ZBTB20: variants seen among roughly 807,000 people sequenced by gnomAD.
ZBTB20 encodes the protein zinc finger and BTB domain-containing protein 20.
ZBTB20 carries 9 observed loss-of-function variants against 56.9 expected under a neutral mutation model. The ratio of observed to expected loss-of-function variants is 0.16; its 90% CI spans 0.10 to 0.28. The LOEUF (loss-of-function observed/expected upper bound fraction) is 0.28. ZBTB20 is among the 10% of genes least tolerant of loss of function. ZBTB20 has a pLI of 1.00. For missense variants in ZBTB20, 655 were observed against 1,003.0 expected (o/e 0.65, Z 4.69); for synonymous variants, 417 against 420.7 (o/e 0.99, Z 0.11).
chr3:114,545,803 C>T (rs2049809643), intron 6 of ZBTB20, among the ~76,000 whole-genome samples: 1 of 152,126 alleles, frequency 6.6e-6, no homozygotes. Flanking sequence ...CCAAAAACAT[C>T]GTTTCCATAT....
intron 2 of ZBTB20, among the ~76,000 whole-genome samples, chr3:115,016,110 G>A (rs760555157): frequency 3.8e-4 from 57 of 151,936 alleles, no homozygotes; most frequent in Non-Finnish European, 6.3e-4. Flanking sequence ...CTGCATAAAT[G>A]TCTTCCTTGA....
chr3:115,041,876 C>T (rs1050010719), intron 2 of ZBTB20, among the ~76,000 whole-genome samples: 2 of 152,120 alleles, frequency 1.3e-5, no homozygotes, highest in African/African-American at 4.8e-5. Context: ...GAAGGTCTAC[C>T]TCTGTCTATT....
chr3:114,800,135 T>C (rs1268976128), intron 5 of ZBTB20, among the ~76,000 whole-genome samples: 1 of 151,958 alleles, frequency 6.6e-6, no homozygotes, highest in African/African-American at 2.4e-5. Flanking sequence ...ACTGTAAAAC[T>C]GAGGAAGACA....
intron 6 of ZBTB20, among the ~76,000 whole-genome samples, chr3:114,623,083 C>T (rs999778944): frequency 6.6e-6 from 1 of 151,994 alleles, no homozygotes; most frequent in African/African-American, 2.4e-5. Flanking sequence ...AATGAACATG[C>T]CAGATTCTTG....
intron 10 of ZBTB20, among the ~76,000 whole-genome samples, chr3:114,379,997 A>G (rs2084118968): frequency 6.6e-6 from 1 of 152,234 alleles, no homozygotes; most frequent in Non-Finnish European, 1.5e-5. Flanking sequence ...GTAATTAATC[A>G]GCCCTTTAAG....
chr3:114,753,213 TA>T (rs1560209022), intron 5 of ZBTB20, among the ~76,000 whole-genome samples: 2 of 148,988 alleles, frequency 1.3e-5, no homozygotes, highest in Admixed American at 6.7e-5. Flanking sequence ...AAATGAAGCA[TA>T]TTTTTTATAT....
At chr3:115,064,100 T>C (rs1361817879) in intron 2 of ZBTB20, among the ~76,000 whole-genome samples, 1 of 152,214 alleles carries the variant, frequency 6.6e-6, no homozygotes, top group Non-Finnish European at 1.5e-5. Flanking sequence ...CCTATTCTAA[T>C]TCTTTCCCCT....
At position 114,336,523 on chromosome 3, in the gene ZBTB20, ACTT is replaced by A. The variant is rs1440569845; in HGVS notation, c.*2479_*2481del. The A allele has an allele frequency of 6.6e-6, 1 of 152,210 alleles. No homozygotes were observed. Among genetic ancestry groups the A allele is most frequent in the Non-Finnish European group, 1.5e-5 (1 of 68,032 alleles). 9.4% of individuals were successfully genotyped at this position (152,210 alleles called of 1,614,324 possible). A position where few individuals can be genotyped will look rare whatever the true frequency, so the allele number is the denominator to read the frequency against. Reference sequence around the variant, plus strand: ...GTTAACCACCCAAGTTTACATTAAAACTTCTAGCAAAATATCCACTGAATTAAG... The same window carrying A: ...GTTAACCACCCAAGTTTACATTAAAACTAGCAAAATATCCACTGAATTAAG... On this transcript the variant is annotated 3_prime_UTR_variant, in exon 12 of 12. Coordinates refer to ENST00000675478, the MANE Select transcript of ZBTB20 (RefSeq NM_001348800.3).
At position 114,323,845 on chromosome 3, in the gene ZBTB20, T is replaced by A. The variant is rs1576177089; in HGVS notation, c.*15160A>T. On this transcript the variant is annotated 3_prime_UTR_variant, in exon 12 of 12. Coordinates refer to ENST00000675478, the MANE Select transcript of ZBTB20 (RefSeq NM_001348800.3). ...TGATGAAAATAACTCTGCATTTTAG[T>A]GATGCTCCTACTTCCATAATTTGCC... is the stretch of plus-strand genomic sequence containing the variant. 1 of 152,204 alleles carries A rather than the reference T, an allele frequency of 6.6e-6. No homozygotes were observed. The highest frequency in any genetic ancestry group is 2.1e-4 in the South Asian group (1 of 4,830). The allele number at this position is 152,204 out of a possible 1,614,324, so 9.4% of individuals were successfully genotyped here. A position where few individuals can be genotyped will look rare whatever the true frequency, so the allele number is the denominator to read the frequency against.
chr3:115,088,812 C>T (rs2083083901), intron 1 of ZBTB20, among the ~76,000 whole-genome samples: 1 of 151,586 alleles, frequency 6.6e-6, no homozygotes. Context: ...AATTTAAATG[C>T]AAACCAAATA....
chr3:114,575,592 A>T (rs932665968), intron 6 of ZBTB20, among the ~76,000 whole-genome samples: 4 of 70,068 alleles, frequency 5.7e-5, no homozygotes, highest in Non-Finnish European at 1.1e-4. Context: ...TTTAAAAAAT[A>T]AAAAAAAAAA....
intron 6 of ZBTB20, among the ~76,000 whole-genome samples, chr3:114,648,968 C>T (rs748610849): frequency 2.0e-5 from 3 of 151,878 alleles, no homozygotes; most frequent in Admixed American, 6.6e-5. Flanking sequence ...AGAAGTTGAC[C>T]TATACGTTAC....
intron 6 of ZBTB20, among the ~76,000 whole-genome samples, chr3:114,684,339 A>T (rs749970793): frequency 3.3e-5 from 5 of 151,746 alleles, no homozygotes; most frequent in Non-Finnish European, 5.9e-5. Flanking sequence ...CCTATTGAAA[A>T]TTTTTCTGAC....
chr3:114,462,730 C>G (rs1209266602), intron 7 of ZBTB20, among the ~76,000 whole-genome samples: 1 of 152,120 alleles, frequency 6.6e-6, no homozygotes, highest in East Asian at 1.9e-4. Flanking sequence ...CAGATGCAAC[C>G]AGATTAGACA....
In ZBTB20 at chr3:114,323,484, G is replaced by A. The variant is rs927106406; in HGVS notation, c.*15521C>T. 2 of 152,202 alleles carry A rather than the reference G, an allele frequency of 1.3e-5. No homozygotes were observed. The highest frequency in any genetic ancestry group is 2.9e-5 in the Non-Finnish European group (2 of 68,044). 9.4% of individuals were successfully genotyped at this position (152,202 alleles called of 1,614,324 possible). A position where few individuals can be genotyped will look rare whatever the true frequency, so the allele number is the denominator to read the frequency against. On this transcript the variant is annotated 3_prime_UTR_variant, in exon 12 of 12. Transcript: ENST00000675478. ...TGGAGAAGCATAATCAGGCTGAAAA[G>A]TAATTCCAATATGGACAAGGCTATG...
chr3:114,891,369 T>A (rs1163782587), intron 4 of ZBTB20, among the ~76,000 whole-genome samples: 2 of 152,248 alleles, frequency 1.3e-5, no homozygotes, highest in Admixed American at 1.3e-4. Context: ...CTTGTTTTAT[T>A]TTTTAAAAAA....
At chr3:114,944,935 A>T (rs2107872280) in intron 3 of ZBTB20, among the ~76,000 whole-genome samples, 1 of 145,842 alleles carries the variant, frequency 6.9e-6, no homozygotes, top group Non-Finnish European at 1.5e-5. Flanking sequence ...ATAATTTATA[A>T]GAGTGTATTA....
intron 3 of ZBTB20, among the ~76,000 whole-genome samples, chr3:114,922,109 A>G (rs2075982524): frequency 6.6e-6 from 1 of 152,158 alleles, no homozygotes; most frequent in Non-Finnish European, 1.5e-5. Flanking sequence ...CAGTGCGGGA[A>G]AAGCACCTGA....
At chr3:114,407,086 C>T (rs1298785409) in intron 7 of ZBTB20, among the ~76,000 whole-genome samples, 2 of 152,160 alleles carry the variant, frequency 1.3e-5, no homozygotes, top group African/African-American at 2.4e-5. Flanking sequence ...AGCTATAGCC[C>T]ACTAGCCACT....
Sources: gnomAD v4.1 joint callset for allele counts (sites outside exome capture counted in the v4.1 genomes callset) on GRCh38, gnomAD v4.1.1 for gene constraint, MANE v1.5 for transcripts, NCBI Gene and HGNC (gene_info 2026-07-23, HGNC 2026-07-21) for gene names.